Variants in CAB39 observed in about 807,000 individuals in gnomAD.
CAB39 encodes the protein calcium binding protein 39.
A neutral mutation model predicts 40.0 loss-of-function variants in CAB39; 8 were observed. That is an observed-to-expected ratio of 0.20 (90% CI 0.12 to 0.36). CAB39 has a LOEUF of 0.36. Ranked by LOEUF, CAB39 falls within the 10% of genes least tolerant of loss-of-function variation. The pLI is 1.00. For missense variants in CAB39, 270 were observed against 401.1 expected (o/e 0.67, Z 2.79); for synonymous variants, 156 against 141.6 (o/e 1.10, Z -0.72).
At chr2:230,791,946 C>T (rs1362398611) in intron 3 of CAB39, among the ~76,000 whole-genome samples, 2 of 152,136 alleles carry the variant, frequency 1.3e-5, no homozygotes, top group African/African-American at 4.8e-5. Flanking sequence ...TTTTAAGCCC[C>T]AGTGTTTGTC....
At chr2:230,778,243 T>C (rs1452290581) in intron 2 of CAB39, among the ~76,000 whole-genome samples, 1 of 152,176 alleles carries the variant, frequency 6.6e-6, no homozygotes, top group African/African-American at 2.4e-5. Context: ...CCAAGTAAAG[T>C]CCTGTCCCTT....
At chr2:230,729,764 G>T (rs2124871274) in intron 1 of CAB39, among the ~76,000 whole-genome samples, 1 of 151,472 alleles carries the variant, frequency 6.6e-6, no homozygotes, top group African/African-American at 2.4e-5. Context: ...AAAAAGTTTA[G>T]TAAGATGGTT....
At chr2:230,738,254 C>T (rs1024292251) in intron 1 of CAB39, among the ~76,000 whole-genome samples, 4 of 152,204 alleles carry the variant, frequency 2.6e-5, no homozygotes, top group African/African-American at 4.8e-5. Context: ...TCCTGAAACA[C>T]CTAGCGAATA....
chr2:230,738,895 A>G (rs376718736), intron 1 of CAB39, among the ~76,000 whole-genome samples: 1 of 152,238 alleles, frequency 6.6e-6, no homozygotes, highest in African/African-American at 2.4e-5. Context: ...ATAGTTATTC[A>G]TTGGAATGAC....
intron 6 of CAB39, among the ~76,000 whole-genome samples, chr2:230,812,582 T>C (rs994224957): frequency 2.0e-5 from 3 of 152,344 alleles, no homozygotes; most frequent in Non-Finnish European, 4.4e-5. Flanking sequence ...TGTTACTGAT[T>C]AAAAGCAGGT....
chr2:230,780,393 A>G lies in CAB39; in HGVS notation c.115-10479A>G, dbSNP rs553138273. On this transcript the variant is annotated intron_variant, in intron 2 of 8. Transcript: ENST00000258418. Reference sequence around the variant, plus strand: ...TTAACTAATGCACAGGCCTTTTTCAAGTTTCATCAGTTGTCCTACTCATGT... The same window carrying G: ...TTAACTAATGCACAGGCCTTTTTCAGGTTTCATCAGTTGTCCTACTCATGT... Among the ~76,000 whole-genome samples, 30 of 152,322 alleles carry G rather than the reference A, an allele frequency of 2.0e-4. No homozygotes were observed. In the East Asian group the frequency reaches 5.0e-3, roughly 25 times the overall value.
intron 1 of CAB39, among the ~76,000 whole-genome samples, chr2:230,742,155 T>TTTTGTTTGTTTG (rs147143513): frequency 8.6e-5 from 13 of 151,106 alleles, no homozygotes; most frequent in African/African-American, 3.2e-4. Flanking sequence ...TTTTGTTTTG[T>TTTTGTTTGTTTG]TTTGTTTGTT....
intron 5 of CAB39, among the ~76,000 whole-genome samples, chr2:230,808,616 C>CT (rs150190357): frequency 0.059 from 9,019 of 152,230 alleles, 906 homozygotes; most frequent in African/African-American, 0.2. Flanking sequence ...TTGCCAAACT[C>CT]TTGAGTGTAC....
At chr2:230,780,104 A>G (rs1695660400) in intron 2 of CAB39, among the ~76,000 whole-genome samples, 2 of 152,176 alleles carry the variant, frequency 1.3e-5, no homozygotes, top group Admixed American at 6.5e-5. Flanking sequence ...AACTGGCACA[A>G]TTGCACAGGG....
At position 230,766,496 on chromosome 2, in the gene CAB39, A is replaced by G. The variant is rs530847183; in HGVS notation, c.114+6381A>G. Among the ~76,000 whole-genome samples the G allele has an allele frequency of 1.7e-4, 26 of 152,246 alleles. 1 individual carries two copies. The South Asian group carries it at 2.5e-3, about 15-fold the overall frequency. The stretch of plus-strand genomic sequence containing the variant: ...AGCCATTCATGAGGGATCCACCTCC[A>G]TGATCCAAACACCTCCCACCAGGCC... On this transcript the variant is annotated intron_variant, in intron 2 of 8. Transcript: ENST00000258418.
intron 8 of CAB39, 86 bp from the exon 9 acceptor site, chr2:230,818,430 T>C: frequency 9.2e-7 from 1 of 1,085,228 alleles, no homozygotes. Context: ...AGAGCACAGC[T>C]CTGCTTTTCT....
chr2:230,763,836 T>C (rs1489163948), intron 2 of CAB39, among the ~76,000 whole-genome samples: 1 of 152,122 alleles, frequency 6.6e-6, no homozygotes, highest in Non-Finnish European at 1.5e-5. Flanking sequence ...AAAGTACAAA[T>C]GGTGGCTGGG....
chr2:230,783,070 C>T (rs1042394852), intron 2 of CAB39, among the ~76,000 whole-genome samples: 1 of 152,004 alleles, frequency 6.6e-6, no homozygotes, highest in Non-Finnish European at 1.5e-5. Flanking sequence ...CCTCGTGATT[C>T]GCCCGCCTCG....
In CAB39 at chr2:230,797,571, A is replaced by G. The variant is rs1696009390; in HGVS notation, c.399-1158A>G. 2.0e-5 allele frequency among the ~76,000 whole-genome samples: 3 copies of G among 152,022 alleles called. No homozygotes were observed. In the South Asian group the frequency reaches 6.2e-4, roughly 32 times the overall value. On this transcript the variant is annotated intron_variant, in intron 4 of 8. Coordinates refer to ENST00000258418, the MANE Select transcript of CAB39 (RefSeq NM_016289.4). ...AGGGGGATGAGATTTGATTTGAGACACGTTGAGTTTATGGTAGCCCTTTAA... is the reference window on the plus strand; with the variant it reads ...AGGGGGATGAGATTTGATTTGAGACGCGTTGAGTTTATGGTAGCCCTTTAA...
At chr2:230,725,744 A>T (rs573278432) in intron 1 of CAB39, among the ~76,000 whole-genome samples, 26 of 152,322 alleles carry the variant, frequency 1.7e-4, no homozygotes, top group African/African-American at 5.8e-4. Context: ...CCTGGTCAGG[A>T]TGTTTGATGT....
intron 1 of CAB39, among the ~76,000 whole-genome samples, chr2:230,727,251 A>G (rs1694596736): frequency 6.7e-6 from 1 of 149,106 alleles, no homozygotes; most frequent in African/African-American, 2.5e-5. Flanking sequence ...ATAAATTGGA[A>G]GCGGGTACCC....
chr2:230,724,188 AGC>A (rs1331403694), intron 1 of CAB39, among the ~76,000 whole-genome samples: 1 of 151,044 alleles, frequency 6.6e-6, no homozygotes, highest in Non-Finnish European at 1.5e-5. Flanking sequence ...TGGAGGTTGC[AGC>A]GCGCCGAGAT....
chr2:230,767,914 A>G (rs144558660), intron 2 of CAB39, among the ~76,000 whole-genome samples: 250 of 152,234 alleles, frequency 1.6e-3, no homozygotes, highest in African/African-American at 5.6e-3. Flanking sequence ...TCTTTGCTCA[A>G]GTGCCATTTT....
At chr2:230,812,339 AG>A (rs1429035878) in intron 6 of CAB39, among the ~76,000 whole-genome samples, 3 of 152,354 alleles carry the variant, frequency 2.0e-5, no homozygotes, top group African/African-American at 7.2e-5. Context: ...CAAGTCTTTG[AG>A]GAACCCAGAA....
Sources: gnomAD v4.1 joint callset for allele counts (sites outside exome capture counted in the v4.1 genomes callset) on GRCh38, gnomAD v4.1.1 for gene constraint, MANE v1.5 for transcripts, NCBI Gene and HGNC (gene_info 2026-07-23, HGNC 2026-07-21) for gene names.